ZFHX3: variants seen among roughly 807,000 people sequenced by gnomAD.
ZFHX3 encodes the protein zinc finger homeobox 3.
Under a neutral mutation model 279.1 loss-of-function variants are expected in ZFHX3, and 42 were observed. The ratio of observed to expected loss-of-function variants is 0.15; its 90% CI spans 0.12 to 0.19. The LOEUF (loss-of-function observed/expected upper bound fraction) is 0.19. Ranked by LOEUF, ZFHX3 falls within the 10% of genes least tolerant of loss-of-function variation. The pLI, the probability that ZFHX3 is intolerant of heterozygous loss-of-function variation, is 1.00. For synonymous variants in ZFHX3, 2,293 were observed against 1,957.8 expected, an observed-to-expected ratio of 1.17 and a Z score of -4.52; for missense variants, 4,981 against 4,754.0, an observed-to-expected ratio of 1.05 and a Z score of -1.40.
chr16:73,147,848 G>C (rs1966873935), intron 5 of ZFHX3, among the ~76,000 whole-genome samples: 2 of 152,016 alleles, frequency 1.3e-5, no homozygotes, highest in African/African-American at 4.8e-5. Context: ...CTCCAGCCTC[G>C]GTGACAGAGC....
At chr16:73,003,852 T>C (rs1427629565) in intron 1 of ZFHX3, among the ~76,000 whole-genome samples, 4 of 151,900 alleles carry the variant, frequency 2.6e-5, no homozygotes, top group Non-Finnish European at 5.9e-5. Flanking sequence ...CACATTTAAA[T>C]AAACCTTAAA....
At chr16:73,605,399 C>G (rs372386258) in intron 2 of ZFHX3, among the ~76,000 whole-genome samples, 1 of 152,170 alleles carries the variant, frequency 6.6e-6, no homozygotes, top group Non-Finnish European at 1.5e-5. Context: ...ACACATTTTA[C>G]GCTGGAAATC....
chr16:72,801,027 T>G (rs974066408), intron 7 of ZFHX3, among the ~76,000 whole-genome samples: 3 of 152,260 alleles, frequency 2.0e-5, no homozygotes, highest in African/African-American at 7.2e-5. Context: ...TTGCCTTATG[T>G]TAATGTGATA....
At chr16:73,683,506 C>T (rs2053048197) in intron 1 of ZFHX3, among the ~76,000 whole-genome samples, 1 of 152,098 alleles carries the variant, frequency 6.6e-6, no homozygotes, top group Non-Finnish European at 1.5e-5. Flanking sequence ...AAGCCAAAAC[C>T]TAAAAGTGAC....
intron 3 of ZFHX3, among the ~76,000 whole-genome samples, chr16:72,941,868 T>A (rs1245791085): frequency 2.0e-5 from 3 of 152,190 alleles, no homozygotes; most frequent in Non-Finnish European, 4.4e-5. Flanking sequence ...TCCCGGCTGC[T>A]GTAAGTGCTA....
At chr16:73,505,903 T>C (rs1023984503) in intron 2 of ZFHX3, among the ~76,000 whole-genome samples, 1 of 152,248 alleles carries the variant, frequency 6.6e-6, no homozygotes, top group Non-Finnish European at 1.5e-5. Context: ...AGGATTGGTA[T>C]TTTGCCCTTG....
chr16:72,861,109 A>G (rs2037879215), intron 4 of ZFHX3, among the ~76,000 whole-genome samples: 1 of 152,146 alleles, frequency 6.6e-6, no homozygotes, highest in African/African-American at 2.4e-5. Flanking sequence ...CACCTGGCAG[A>G]CACCTGTGTC....
At chr16:73,500,323 G>T (rs1372230632) in intron 2 of ZFHX3, 1 of 154,412 alleles carries the variant, frequency 6.5e-6, no homozygotes, top group African/African-American at 2.4e-5. Flanking sequence ...TTTTTTGTTT[G>T]TTTGTTTGTT....
At chr16:73,579,341 T>G (rs1156663069) in intron 2 of ZFHX3, among the ~76,000 whole-genome samples, 1 of 152,188 alleles carries the variant, frequency 6.6e-6, no homozygotes, top group Non-Finnish European at 1.5e-5. Context: ...TGGGCACATG[T>G]CATCAGGACC....
intron 3 of ZFHX3, among the ~76,000 whole-genome samples, chr16:72,909,237 G>C (rs1052963776): frequency 5.3e-5 from 8 of 152,298 alleles, no homozygotes; most frequent in Admixed American, 1.3e-4. Flanking sequence ...CAAGGGGTCA[G>C]AAAACTTTTT....
At chr16:73,777,706 G>A (rs990647671) in intron 1 of ZFHX3, among the ~76,000 whole-genome samples, 1 of 152,042 alleles carries the variant, frequency 6.6e-6, no homozygotes, top group African/African-American at 2.4e-5. Flanking sequence ...ATGGTGCTAA[G>A]CACTTAACAT....
At chr16:73,107,925 G>A (rs1156304474) in intron 7 of ZFHX3, among the ~76,000 whole-genome samples, 1 of 152,176 alleles carries the variant, frequency 6.6e-6, no homozygotes, top group East Asian at 1.9e-4. Flanking sequence ...ACTTTGGGAG[G>A]CTGAGGCGGG....
chr16:73,579,346 AG>A (rs564280614), intron 2 of ZFHX3, among the ~76,000 whole-genome samples: 113 of 152,336 alleles, frequency 7.4e-4, no homozygotes, highest in South Asian at 4.8e-3. Context: ...ACATGTCATC[AG>A]GACCTCCTGA....
intron 4 of ZFHX3, among the ~76,000 whole-genome samples, chr16:73,293,321 G>A (rs982904319): frequency 2.6e-5 from 4 of 152,182 alleles, no homozygotes; most frequent in African/African-American, 9.7e-5. Flanking sequence ...ACTCCACAAA[G>A]CCCTTCATGA....
chr16:73,190,601 T>C (rs1968009178), intron 5 of ZFHX3, among the ~76,000 whole-genome samples: 1 of 152,186 alleles, frequency 6.6e-6, no homozygotes, highest in South Asian at 2.1e-4. Context: ...TTCATGACAG[T>C]GAAGGTGTGC....
At chr16:73,325,809 A>G (rs1483982979) in intron 3 of ZFHX3, among the ~76,000 whole-genome samples, 2 of 152,144 alleles carry the variant, frequency 1.3e-5, no homozygotes, top group Admixed American at 6.6e-5. Flanking sequence ...TAGAAGGGAA[A>G]GGCAGAAGGG....
chr16:73,483,807 T>C (rs986631011), intron 2 of ZFHX3, among the ~76,000 whole-genome samples: 2 of 152,136 alleles, frequency 1.3e-5, no homozygotes, highest in African/African-American at 4.8e-5. Flanking sequence ...CTGTTCCCAT[T>C]AGGAGTCCTG....
intron 7 of ZFHX3, among the ~76,000 whole-genome samples, chr16:73,105,368 CACAT>C (rs1567389760): frequency 2.7e-4 from 19 of 69,750 alleles, no homozygotes; most frequent in African/African-American, 1.0e-3. Flanking sequence ...TATATATACA[CACAT>C]ATATATATAT....
chr16:72,860,834 G>A (rs1223488132), intron 4 of ZFHX3, among the ~76,000 whole-genome samples: 2 of 152,210 alleles, frequency 1.3e-5, no homozygotes, highest in Non-Finnish European at 2.9e-5. Flanking sequence ...TCAGTCGTCT[G>A]TCCTTTCTCG....
Sources: gnomAD v4.1 joint callset for allele counts (sites outside exome capture counted in the v4.1 genomes callset) on GRCh38, gnomAD v4.1.1 for gene constraint, MANE v1.5 for transcripts, NCBI Gene and HGNC (gene_info 2026-07-23, HGNC 2026-07-21) for gene names.